Variants in GRHL2 observed in about 807,000 individuals in gnomAD.
The protein encoded by GRHL2 is grainyhead-like protein 2 homolog.
Under a neutral mutation model 83.8 loss-of-function variants are expected in GRHL2, and 21 were observed. The observed-to-expected ratio is 0.25, with a 90% confidence interval of 0.18 to 0.36. The LOEUF (loss-of-function observed/expected upper bound fraction) is 0.36, where lower values mean the gene tolerates loss of function less well. Among genes scored for constraint, GRHL2 ranks in the 10% least tolerant of loss-of-function variants. GRHL2 has a pLI of 1.00. For missense variants in GRHL2, 623 were observed against 781.8 expected (o/e 0.80, Z 2.42); for synonymous variants, 280 against 278.9 (o/e 1.00, Z -0.04).
chr8:101,558,738 G>T lies in GRHL2; in HGVS notation c.604G>T (p.Ala202Ser), dbSNP rs769672381. The change falls in exon 4 of 16, where the codon GCC (alanine) becomes TCC (serine). Residue 202 changes from alanine (A) to serine (S), a missense_variant. By Grantham distance (99) the Ala-to-Ser change is moderately conservative (BLOSUM62 1). Transcript: ENST00000646743. ...YDVPSLATHS[A>S]YLKDDQRSTP... ...CGTGCCCTCGCTGGCCACCCACAGCGCCTATCTCAAAGACGACCAGCGCAG... is the reference window on the plus strand; with the variant it reads ...CGTGCCCTCGCTGGCCACCCACAGCTCCTATCTCAAAGACGACCAGCGCAG... 1 of 1,614,106 alleles carries T rather than the reference G, an allele frequency of 6.2e-7. No individual in the cohort carries two copies. The highest frequency in any genetic ancestry group is 1.1e-5 in the South Asian group (1 of 91,070).
chr8:101,525,797 C>G (rs2130063635), intron 1 of GRHL2, among the ~76,000 whole-genome samples: 1 of 152,188 alleles, frequency 6.6e-6, no homozygotes, highest in Admixed American at 6.5e-5. Flanking sequence ...GGTAAAACCC[C>G]ACCTCTACAA....
intron 4 of GRHL2, among the ~76,000 whole-genome samples, chr8:101,565,587 A>G (rs1248465441): frequency 6.6e-6 from 1 of 152,176 alleles, no homozygotes; most frequent in African/African-American, 2.4e-5. Flanking sequence ...CAGCAGAGGA[A>G]GGGAGGCCAT....
At chr8:101,677,360 T>C in the GRHL2 span, among the ~76,000 whole-genome samples, 1 of 151,996 alleles carries the variant, frequency 6.6e-6, no homozygotes, top group East Asian at 1.9e-4. Context: ...TTGTAATTGT[T>C]TTCAAGGCAT....
intron 8 of GRHL2, among the ~76,000 whole-genome samples, chr8:101,614,085 C>A (rs560207386): frequency 6.6e-6 from 1 of 151,002 alleles, no homozygotes; most frequent in East Asian, 1.9e-4. Context: ...GTTAATGTAG[C>A]AATTCTAAAG....
Position 101,669,188 on chromosome 8 carries a change from T to G in GRHL2, c.*2485T>G, listed in dbSNP as rs1814148186. 6.8e-6 allele frequency: 1 copy of G among 147,890 alleles called. No homozygotes were observed. Among genetic ancestry groups the G allele is most frequent in the Non-Finnish European group, 1.5e-5 (1 of 66,982 alleles). The allele number at this position is 147,890 out of a possible 1,614,324, so 9.2% of individuals were successfully genotyped here. ...CCGCCTCTTCTTTTTTGTCCCTTAA[T>G]CAAACTCAAATAAGCTTAAAAAAAA... On this transcript the variant is annotated 3_prime_UTR_variant, in exon 16 of 16. Coordinates refer to ENST00000646743, the MANE Select transcript of GRHL2 (RefSeq NM_024915.4).
At chr8:101,565,075 T>G (rs1415118304) in intron 4 of GRHL2, among the ~76,000 whole-genome samples, 1 of 152,214 alleles carries the variant, frequency 6.6e-6, no homozygotes, top group East Asian at 1.9e-4. Flanking sequence ...CACCATGGCT[T>G]ACTCATTTTA....
Position 101,570,361 on chromosome 8 carries a change from G to C in GRHL2, c.701G>C (p.Gly234Ala). The change falls in exon 5 of 16, where the codon GGG becomes GCG. Residue 234 changes from glycine (G) to alanine (A), a missense_variant. Coordinates refer to ENST00000646743, the MANE Select transcript of GRHL2 (RefSeq NM_024915.4). ...ATEKFRSASV[G>A]AEEYMYDQTS... Reference sequence around the variant, plus strand: ...CAGAAATTTCGGAGTGCTTCAGTTGGGGCTGAGGAGTACATGTATGATCAG... The same window carrying C: ...CAGAAATTTCGGAGTGCTTCAGTTGCGGCTGAGGAGTACATGTATGATCAG... The C allele has an allele frequency of 6.2e-7, 1 of 1,613,918 alleles. No individual in the cohort carries two copies.
At chr8:101,493,866 CT>C (rs1349295585) in intron 1 of GRHL2, among the ~76,000 whole-genome samples, 2 of 151,920 alleles carry the variant, frequency 1.3e-5, no homozygotes, top group East Asian at 3.9e-4. Context: ...TCCTGACGGC[CT>C]CCCCCCTGGC....
chr8:101,659,407 G>A (rs1035988809), intron 14 of GRHL2, among the ~76,000 whole-genome samples: 2 of 152,172 alleles, frequency 1.3e-5, no homozygotes, highest in African/African-American at 4.8e-5. Flanking sequence ...AGACCCCCAG[G>A]TTAAGATCAA....
chr8:101,637,305 G>A (rs1464562360), intron 12 of GRHL2, among the ~76,000 whole-genome samples: 1 of 152,160 alleles, frequency 6.6e-6, no homozygotes, highest in East Asian at 1.9e-4. Flanking sequence ...ATGAGCTTGA[G>A]GCAAGAGTCA....
At position 101,598,915 on chromosome 8, in the gene GRHL2, G is replaced by A; in HGVS notation, c.1004-142G>A. ...AGTATTAGTAAAAGAACATCAGTGA[G>A]CACCAGTCCTTAACTGTTAGCATGG... On this transcript the variant is annotated intron_variant, in intron 7 of 15. Coordinates refer to ENST00000646743, the MANE Select transcript of GRHL2 (RefSeq NM_024915.4). 4.5e-6 allele frequency: 3 copies of A among 668,414 alleles called. 1 individual carries two copies. In the South Asian group the frequency reaches 5.0e-5, roughly 11 times the overall value. The allele number at this position is 668,414 out of a possible 1,614,324, so 41.4% of individuals were successfully genotyped here.
intron 8 of GRHL2, among the ~76,000 whole-genome samples, chr8:101,607,254 A>G (rs1812650237): frequency 6.6e-6 from 1 of 152,216 alleles, no homozygotes; most frequent in South Asian, 2.1e-4. Context: ...CTGTTCCTAA[A>G]TGGATGGCGT....
At chr8:101,636,091 T>C (rs781142764) in intron 11 of GRHL2, among the ~76,000 whole-genome samples, 2 of 152,172 alleles carry the variant, frequency 1.3e-5, no homozygotes, top group Non-Finnish European at 2.9e-5. Flanking sequence ...CACACACAGA[T>C]AAAGATGACA....
intron 1 of GRHL2, among the ~76,000 whole-genome samples, chr8:101,524,465 G>A (rs1007104949): frequency 3.0e-4 from 45 of 151,856 alleles, no homozygotes; most frequent in African/African-American, 1.1e-3. Context: ...TCTAACATAA[G>A]CAGTTAAAGT....
At chr8:101,584,591 TAA>T (rs547305514) in intron 7 of GRHL2, among the ~76,000 whole-genome samples, 2 of 151,324 alleles carry the variant, frequency 1.3e-5, no homozygotes, top group African/African-American at 4.9e-5. Flanking sequence ...TTTAAACTGT[TAA>T]AAAAAAAGAG....
At chr8:101,632,182 C>A in intron 10 of GRHL2, 44 bp from the exon 11 acceptor site, 1 of 1,609,372 alleles carries the variant, frequency 6.2e-7, no homozygotes, top group Non-Finnish European at 8.5e-7. Context: ...AGTTCTTAGT[C>A]ATATATGACT....
chr8:101,643,188 A>G (rs533427912), intron 12 of GRHL2, among the ~76,000 whole-genome samples: 1 of 152,152 alleles, frequency 6.6e-6, no homozygotes, highest in African/African-American at 2.4e-5. Context: ...ATTCAGGATC[A>G]TGGCATCTGG....
At chr8:101,522,000 G>T (rs1158821461) in intron 1 of GRHL2, among the ~76,000 whole-genome samples, 1 of 152,176 alleles carries the variant, frequency 6.6e-6, no homozygotes, top group Non-Finnish European at 1.5e-5. Context: ...TAGGGCAGGG[G>T]TGTGAATGGA....
chr8:101,594,816 A>G (rs1375120743), intron 7 of GRHL2, among the ~76,000 whole-genome samples: 1 of 152,248 alleles, frequency 6.6e-6, no homozygotes, highest in East Asian at 1.9e-4. Context: ...TATGATATTA[A>G]GAACTGAGAA....
Sources: allele counts gnomAD v4.1 joint callset (sites outside exome capture counted in the v4.1 genomes callset), GRCh38; gene constraint gnomAD v4.1.1; transcripts MANE v1.5; gene names NCBI Gene and HGNC (gene_info 2026-07-23, HGNC 2026-07-21).